SSBP3: variants seen among roughly 807,000 people sequenced by gnomAD.
The protein encoded by SSBP3 is single-stranded DNA-binding protein 3.
In SSBP3, 5 loss-of-function variants were observed where a neutral mutation model predicts 69.6. The observed-to-expected ratio is 0.07, with a 90% CI of 0.04 to 0.15. The LOEUF is 0.15. SSBP3 is among the 10% of genes least tolerant of loss of function. The pLI is 1.00. For missense variants in SSBP3, 312 were observed against 534.0 expected (o/e 0.58, Z 4.10); for synonymous variants, 196 against 193.4 (o/e 1.01, Z -0.11).
In SSBP3 at chr1:54,404,156, T is replaced by C. The variant is rs185068511; in HGVS notation, c.191+420A>G. Among the ~76,000 whole-genome samples, 233 of 152,084 alleles carry C rather than the reference T, an allele frequency of 1.5e-3. 2 individuals are homozygous for C. The highest frequency in any genetic ancestry group is 1.5e-3 in the Non-Finnish European group (99 of 67,976). On this transcript the variant is annotated intron_variant, in intron 3 of 17. Transcript: ENST00000610401. ...CCCCGGTAGATGTCCTCTCTTAAGG[T>C]TGTGAGCTCCCGAGGAGAAAAAGGA...
intron 5 of SSBP3, among the ~76,000 whole-genome samples, chr1:54,263,276 C>A (rs926966679): frequency 6.6e-6 from 1 of 152,344 alleles, no homozygotes; most frequent in Non-Finnish European, 1.5e-5. Context: ...GGACCCCCAG[C>A]CCTCCCGCAC....
intron 4 of SSBP3, among the ~76,000 whole-genome samples, chr1:54,327,118 T>C (rs944788339): frequency 6.6e-6 from 1 of 152,108 alleles, no homozygotes; most frequent in South Asian, 2.1e-4. Context: ...TCTAGGATCT[T>C]ACCCCAGTGC....
intron 9 of SSBP3, among the ~76,000 whole-genome samples, chr1:54,249,715 T>C (rs1453929022): frequency 1.8e-5 from 2 of 114,210 alleles, no homozygotes; most frequent in East Asian, 4.2e-4. Context: ...TTAAAAAATT[T>C]AAAAAAACTT....
intron 4 of SSBP3, among the ~76,000 whole-genome samples, chr1:54,289,032 A>C (rs868645365): frequency 3.0e-4 from 18 of 59,458 alleles, no homozygotes; most frequent in South Asian, 1.5e-3. Flanking sequence ...AAAAAAAAAA[A>C]AAAACAAAAA....
chr1:54,369,056 G>A (rs1647076548), intron 4 of SSBP3, among the ~76,000 whole-genome samples: 1 of 152,196 alleles, frequency 6.6e-6, no homozygotes, highest in African/African-American at 2.4e-5. Context: ...TTTATTATTT[G>A]CACTTCCACG....
At chr1:54,228,225 CGA>C (rs1644320736) in intron 17 of SSBP3, 28 bp downstream of exon 17, 1 of 1,600,874 alleles carries the variant, frequency 6.2e-7, no homozygotes, top group Non-Finnish European at 8.6e-7. Flanking sequence ...GCCGTGGGGA[CGA>C]GAGCAACAGG....
intron 4 of SSBP3, among the ~76,000 whole-genome samples, chr1:54,305,744 C>G (rs1645888786): frequency 6.6e-6 from 1 of 151,734 alleles, no homozygotes; most frequent in Non-Finnish European, 1.5e-5. Context: ...AGGAGTGAGC[C>G]ACTGCGTCCG....
At position 54,404,950 on chromosome 1, in the gene SSBP3, CAA is replaced by C. The variant is rs1557598749; in HGVS notation, c.57-22_57-21del. 2 of 1,607,990 alleles carry C rather than the reference CAA, an allele frequency of 1.2e-6. No individual in the cohort carries two copies. The highest frequency in any genetic ancestry group is 1.3e-5 in the African/African-American group (1 of 74,832). On this transcript the variant is annotated intron_variant, in intron 1 of 17. Transcript: ENST00000610401. ...GCTAACCTGGAAAGTGGACAGGGGG[CAA>C]AGAGAGAGAGGGAAAGGCGTCAGAT...
At chr1:54,380,400 G>A (rs146360081) in intron 4 of SSBP3, among the ~76,000 whole-genome samples, 2 of 152,294 alleles carry the variant, frequency 1.3e-5, no homozygotes, top group African/African-American at 2.4e-5. Flanking sequence ...GGCCACAATC[G>A]GCTTTGGATC....
chr1:54,349,312 C>T (rs1345831879), intron 4 of SSBP3, among the ~76,000 whole-genome samples: 3 of 152,196 alleles, frequency 2.0e-5, no homozygotes, highest in African/African-American at 4.8e-5. Flanking sequence ...GCGGCATTCC[C>T]AGCACCTACA....
chr1:54,385,096 AG>A (rs1331114275), intron 4 of SSBP3, among the ~76,000 whole-genome samples: 2 of 152,192 alleles, frequency 1.3e-5, no homozygotes, highest in Non-Finnish European at 2.9e-5. Context: ...AGTCATCCTG[AG>A]CGCAGATCCC....
intron 4 of SSBP3, among the ~76,000 whole-genome samples, 183 bp from the exon 5 acceptor site, chr1:54,281,710 C>G (rs1557491958): frequency 6.6e-6 from 1 of 152,184 alleles, no homozygotes; most frequent in Non-Finnish European, 1.5e-5. Flanking sequence ...TGACAGGACA[C>G]AAGTAGGGCT....
intron 11 of SSBP3, among the ~76,000 whole-genome samples, chr1:54,241,945 A>G (rs1644646560): frequency 1.3e-5 from 2 of 152,162 alleles, no homozygotes; most frequent in Non-Finnish European, 2.9e-5. Context: ...TCCTTAGAGG[A>G]GTGGGCTGGC....
intron 4 of SSBP3, among the ~76,000 whole-genome samples, chr1:54,374,521 A>T (rs1359686078): frequency 1.3e-5 from 2 of 152,238 alleles, no homozygotes; most frequent in Non-Finnish European, 2.9e-5. Flanking sequence ...CACATTCTCC[A>T]GGATGAAATT....
chr1:54,252,773 G>T (rs975340415), intron 7 of SSBP3, among the ~76,000 whole-genome samples: 2 of 152,256 alleles, frequency 1.3e-5, no homozygotes, highest in Middle Eastern at 3.2e-3. Flanking sequence ...TTGCTGGGGG[G>T]AAGTTTGCTT....
intron 7 of SSBP3, among the ~76,000 whole-genome samples, chr1:54,256,862 T>G (rs902898492): frequency 4.7e-4 from 71 of 152,298 alleles, no homozygotes; most frequent in African/African-American, 1.7e-3. Context: ...CAATCCCAGA[T>G]GCGCCTTAGC....
intron 4 of SSBP3, among the ~76,000 whole-genome samples, chr1:54,391,550 G>A (rs553608177): frequency 6.6e-6 from 1 of 152,316 alleles, no homozygotes; most frequent in Admixed American, 6.5e-5. Flanking sequence ...CCTCTCCACT[G>A]CCTCCTCTCT....
rs56074243 is a variant in SSBP3 at position 54,404,941 on chromosome 1, G to C, written c.57-11C>G. 4,414 of 1,611,136 alleles carry C rather than the reference G, an allele frequency of 2.7e-3. 77 individuals are homozygous for C. The African/African-American group carries it at 0.049, about 18-fold the overall frequency. Reference sequence around the variant, plus strand: ...ACGTATAAAGCTAACCTGGAAAGTGGACAGGGGGCAAAGAGAGAGAGGGAA... The same window carrying C: ...ACGTATAAAGCTAACCTGGAAAGTGCACAGGGGGCAAAGAGAGAGAGGGAA... On this transcript the variant is annotated splice_polypyrimidine_tract_variant and intron_variant, in intron 1 of 17. Transcript: ENST00000610401.
At chr1:54,321,592 G>A (rs1405418639) in intron 4 of SSBP3, among the ~76,000 whole-genome samples, 2 of 152,226 alleles carry the variant, frequency 1.3e-5, no homozygotes, top group East Asian at 1.9e-4. Flanking sequence ...ACTGCACTTC[G>A]GTTTTCTCCA....
Sources: allele counts gnomAD v4.1 joint callset (sites outside exome capture counted in the v4.1 genomes callset), GRCh38; gene constraint gnomAD v4.1.1; transcripts MANE v1.5; gene names NCBI Gene and HGNC (gene_info 2026-07-23, HGNC 2026-07-21).